The following GLIPR1L2 variants were observed in gnomAD, a reference collection of about 807,000 sequenced individuals.
GLIPR1L2 encodes the protein GLIPR1 like 2, also known as GLIPR1-like protein 2.
A neutral mutation model predicts 28.4 loss-of-function variants in GLIPR1L2; 21 were observed. That is an observed-to-expected ratio of 0.74 (90% confidence interval 0.52 to 1.06). The LOEUF (loss-of-function observed/expected upper bound fraction) is 1.06, where lower values mean the gene tolerates loss of function less well. GLIPR1L2 is among the 50% of genes least tolerant of loss of function. GLIPR1L2 has a pLI of 0.00. For synonymous variants in GLIPR1L2, 145 were observed against 139.3 expected (o/e 1.04, Z -0.29); for missense variants, 476 against 416.9 (o/e 1.14, Z -1.23).
intron 2 of GLIPR1L2, among the ~76,000 whole-genome samples, chr12:75,412,963 A>C (rs1413077835): frequency 6.6e-6 from 1 of 151,838 alleles, no homozygotes; most frequent in Non-Finnish European, 1.5e-5. Context: ...CAACAACGAT[A>C]GACTGGATTA....
intron 2 of GLIPR1L2, among the ~76,000 whole-genome samples, chr12:75,411,389 G>A (rs935619136): frequency 6.6e-6 from 1 of 151,802 alleles, no homozygotes; most frequent in African/African-American, 2.4e-5. Flanking sequence ...AATAGACCCT[G>A]ATGTCACGTT....
rs2139971854 is a variant in GLIPR1L2 at position 75,430,808 on chromosome 12, G to T, written c.698-16G>T. The T allele has an allele frequency of 6.5e-7, 1 of 1,532,876 alleles. No individual in the cohort carries two copies. Among genetic ancestry groups the T allele is most frequent in the Admixed American group, 2.0e-5 (1 of 50,370 alleles). The allele number at this position is 1,532,876 out of a possible 1,614,324, so 95.0% of individuals were successfully genotyped here. ...TTTATATGAAATCCAGCTTTCAATT[G>T]CTTCTTTGTTTACAGATTACCGATT... On this transcript the variant is annotated splice_polypyrimidine_tract_variant and intron_variant, in intron 5 of 5. Coordinates refer to ENST00000550916, the MANE Select transcript of GLIPR1L2 (RefSeq NM_001270396.2).
intron 1 of GLIPR1L2, chr12:75,403,204 A>G: frequency 2.3e-6 from 1 of 439,650 alleles, no homozygotes; most frequent in South Asian, 1.6e-5. Context: ...GATGGTGAGG[A>G]TAGATTTTTT....
intron 1 of GLIPR1L2, among the ~76,000 whole-genome samples, chr12:75,406,600 A>G (rs561382203): frequency 6.6e-6 from 1 of 152,034 alleles, no homozygotes; most frequent in South Asian, 2.1e-4. Context: ...CTACCAAAAA[A>G]TAAAAGAATT....
In GLIPR1L2 at chr12:75,413,184, G is replaced by A. The variant is rs540012250; in HGVS notation, c.481-414G>A. 2.5e-3 allele frequency among the ~76,000 whole-genome samples: 372 copies of A among 150,648 alleles called. 3 individuals carry two copies. Among genetic ancestry groups the A allele is most frequent in the Middle Eastern group, 0.017 (5 of 292 alleles). The stretch of plus-strand genomic sequence containing the variant: ...CACAGGAAGGGGAACATCACACTCC[G>A]GGGCCTGTTGTGGGGTGGGGGGAAG... On this transcript the variant is annotated intron_variant, in intron 2 of 5. Coordinates refer to ENST00000550916, the MANE Select transcript of GLIPR1L2 (RefSeq NM_001270396.2).
intron 1 of GLIPR1L2, among the ~76,000 whole-genome samples, chr12:75,410,064 CTT>C (rs977267881): frequency 4.0e-5 from 6 of 151,604 alleles, no homozygotes; most frequent in East Asian, 3.9e-4. Context: ...ATAAATACCT[CTT>C]AATATTTTAG....
intron 1 of GLIPR1L2, among the ~76,000 whole-genome samples, chr12:75,401,960 A>AT (rs1172528708): frequency 1.3e-5 from 2 of 152,256 alleles, no homozygotes; most frequent in East Asian, 3.9e-4. Context: ...ATGAAAAATA[A>AT]TTTTTTCTAA....
intron 4 of GLIPR1L2, chr12:75,423,617 C>A (rs958749894): frequency 1.1e-5 from 4 of 355,926 alleles, no homozygotes; most frequent in Non-Finnish European, 1.6e-5. Flanking sequence ...CTGTGCAGAA[C>A]GTGCAGGTTT....
intron 4 of GLIPR1L2, among the ~76,000 whole-genome samples, chr12:75,428,386 A>G (rs548994777): frequency 1.4e-3 from 206 of 152,308 alleles, no homozygotes; most frequent in African/African-American, 4.7e-3. Context: ...TCAAGATGTG[A>G]CCTGGCTGTT....
In GLIPR1L2 at chr12:75,391,682, T is replaced by A. The variant is rs1213533779; in HGVS notation, c.234+332T>A. On this transcript the variant is annotated intron_variant, in intron 1 of 5. Coordinates refer to ENST00000550916, the MANE Select transcript of GLIPR1L2 (RefSeq NM_001270396.2). Reference sequence around the variant, plus strand: ...AAAAATCAGTGCAAAAATATCAATATCAAGGGTAAAGAAAATGTTAAAAAA... The same window carrying A: ...AAAAATCAGTGCAAAAATATCAATAACAAGGGTAAAGAAAATGTTAAAAAA... The A allele has an allele frequency of 5.8e-6, 3 of 520,402 alleles. No individual in the cohort carries two copies. The East Asian group carries it at 1.6e-4, about 28-fold the overall frequency. The allele number at this position is 520,402 out of a possible 1,614,324, so 32.2% of individuals were successfully genotyped here. A position where few individuals can be genotyped will look rare whatever the true frequency, so the allele number is the denominator to read the frequency against.
At chr12:75,405,357 A>C (rs2045785947) in intron 1 of GLIPR1L2, among the ~76,000 whole-genome samples, 1 of 152,160 alleles carries the variant, frequency 6.6e-6, no homozygotes. Flanking sequence ...GGACAAACGC[A>C]GAAGTGAAAA....
chr12:75,402,916 C>G, intron 1 of GLIPR1L2: 1 of 441,164 alleles, frequency 2.3e-6, no homozygotes, highest in Non-Finnish European at 4.6e-6. Flanking sequence ...TGAGCCCATT[C>G]TCTCTCCTCT....
rs1332143918 is a variant in GLIPR1L2, at chr12:75,398,047, AAT to A, written c.234+6698_234+6699del. ...GTGGATTTAAAAAAAAAAAAAAAAA[AAT>A]GCCGGGAGCGGTGGCTCACGCCTGT... is the stretch of plus-strand genomic sequence containing the variant. On this transcript the variant is annotated intron_variant, in intron 1 of 5. Transcript: ENST00000550916. Among the ~76,000 whole-genome samples, 13 of 145,002 alleles carry A rather than the reference AAT, an allele frequency of 9.0e-5. No individual in the cohort carries two copies. The South Asian group carries it at 2.4e-3, about 27-fold the overall frequency.
chr12:75,421,707 T>C (rs980433260), intron 3 of GLIPR1L2, among the ~76,000 whole-genome samples: 3 of 152,154 alleles, frequency 2.0e-5, no homozygotes, highest in Admixed American at 2.0e-4. Flanking sequence ...CTGTAGGCAA[T>C]TGATGTAATT....
chr12:75,411,532 G>A (rs568292678), intron 2 of GLIPR1L2, among the ~76,000 whole-genome samples: 38 of 151,244 alleles, frequency 2.5e-4, no homozygotes, highest in African/African-American at 9.0e-4. Flanking sequence ...AAGTTACAGT[G>A]ATTCTCCATT....
At chr12:75,418,745 T>G (rs1240060484) in intron 3 of GLIPR1L2, among the ~76,000 whole-genome samples, 1 of 152,176 alleles carries the variant, frequency 6.6e-6, no homozygotes, top group Non-Finnish European at 1.5e-5. Context: ...GGGGATAGCA[T>G]TGAATCTATA....
At chr12:75,406,907 C>T (rs1247984210) in intron 1 of GLIPR1L2, among the ~76,000 whole-genome samples, 2 of 152,062 alleles carry the variant, frequency 1.3e-5, no homozygotes. Context: ...TAGGCCCTGT[C>T]CTATGGCCTG....
In GLIPR1L2 at chr12:75,391,131, G is replaced by A. The variant is rs370901558; in HGVS notation, c.15G>A (p.Arg5=). The A allele has an allele frequency of 5.0e-6, 8 of 1,613,526 alleles. No homozygotes were observed. The Admixed American group carries it at 1.0e-4, about 20-fold the overall frequency. Reference sequence around the variant, plus strand: ...GCCGGTGGACCATGGAGGCCGCAAGGCCCTTCGCCCGGGAGTGGAGGGCCC... The same window carrying A: ...GCCGGTGGACCATGGAGGCCGCAAGACCCTTCGCCCGGGAGTGGAGGGCCC... MEAA[R]PFAREWRAQS... Residue 5 remains arginine (R), a synonymous_variant, in exon 1 of 6, where the codon AGG becomes AGA. Transcript: ENST00000550916.
chr12:75,398,498 G>A (rs981734391), intron 1 of GLIPR1L2, among the ~76,000 whole-genome samples: 19 of 151,666 alleles, frequency 1.3e-4, no homozygotes, highest in African/African-American at 4.4e-4. Flanking sequence ...TCTTAGCTTC[G>A]TCCTCTTTGT....
Sources: gnomAD v4.1 joint callset for allele counts (sites outside exome capture counted in the v4.1 genomes callset) on GRCh38, gnomAD v4.1.1 for gene constraint, MANE v1.5 for transcripts, NCBI Gene and HGNC (gene_info 2026-07-23, HGNC 2026-07-21) for gene names.